FSTL4: variants seen among roughly 807,000 people sequenced by gnomAD.
The protein encoded by FSTL4 is follistatin like 4, also known as follistatin-related protein 4.
A neutral mutation model predicts 78.2 loss-of-function variants in FSTL4; 28 were observed. The observed-to-expected ratio is 0.36, with a 90% CI of 0.27 to 0.49. The LOEUF is 0.49. Ranked by LOEUF, FSTL4 falls within the 20% of genes least tolerant of loss-of-function variation. The pLI, the probability that FSTL4 is intolerant of heterozygous loss-of-function variation, is 0.98. For missense variants in FSTL4, 922 were observed against 1,084.9 expected, an observed-to-expected ratio of 0.85 and a Z score of 2.11; for synonymous variants, 422 against 440.5, an observed-to-expected ratio of 0.96 and a Z score of 0.53.
At chr5:133,617,372 C>T (rs256239), upstream of FSTL4, among the ~76,000 whole-genome samples, 132,035 of 150,700 alleles carry the variant, frequency 0.88, 57,917 homozygotes, top group East Asian at 0.97. Flanking sequence ...TCCATGCCTA[C>T]GCATTTGTCA....
At chr5:133,769,371 A>C in the FSTL4 span, among the ~76,000 whole-genome samples, 8 of 152,204 alleles carry the variant, frequency 5.3e-5, no homozygotes, top group African/African-American at 1.9e-4. Context: ...GACACTGGTA[A>C]ATCTCTGGGA....
At chr5:133,533,893 C>T (rs945005801) in intron 3 of FSTL4, among the ~76,000 whole-genome samples, 4 of 152,096 alleles carry the variant, frequency 2.6e-5, no homozygotes, top group South Asian at 2.1e-4. Flanking sequence ...CTGGCTCCCC[C>T]GAGTCCTTGC....
At chr5:133,337,744 C>T (rs1361720450) in intron 4 of FSTL4, among the ~76,000 whole-genome samples, 3 of 152,190 alleles carry the variant, frequency 2.0e-5, no homozygotes, top group African/African-American at 7.2e-5. Flanking sequence ...CTGCACACCA[C>T]TCAGAGCTTT....
At chr5:133,827,640 T>C in the FSTL4 span, among the ~76,000 whole-genome samples, 1 of 152,024 alleles carries the variant, frequency 6.6e-6, no homozygotes, top group Non-Finnish European at 1.5e-5. Context: ...TCCAAGTCTG[T>C]GGACTCCTCT....
intron 6 of FSTL4, among the ~76,000 whole-genome samples, chr5:133,294,173 T>G (rs946764526): frequency 6.6e-6 from 1 of 152,152 alleles, no homozygotes; most frequent in African/African-American, 2.4e-5. Flanking sequence ...TCCCACAGCC[T>G]TTTGCCTTGT....
intron 3 of FSTL4, among the ~76,000 whole-genome samples, chr5:133,499,369 TAC>T (rs57363602): frequency 0.13 from 16,403 of 126,492 alleles, 1,006 homozygotes; most frequent in African/African-American, 0.18. Context: ...ACAAGGGGAA[TAC>T]ACACACACAC....
Position 133,225,341 on chromosome 5 carries a change from C to T in FSTL4, c.1178-57G>A. ...CTCAGCTGGAGACCCACTCACTTTCCTTTATGGGGCCATTGAGAGTGTTAG... is the reference window on the plus strand; with the variant it reads ...CTCAGCTGGAGACCCACTCACTTTCTTTTATGGGGCCATTGAGAGTGTTAG... On this transcript the variant is annotated intron_variant, in intron 9 of 15. Coordinates refer to ENST00000265342, the MANE Select transcript of FSTL4 (RefSeq NM_015082.2). This position sits in a 1 kb window ranked among gnomAD's most constrained non-coding sequence, Gnocchi z 4.6. The T allele has an allele frequency of 4.4e-6, 7 of 1,606,904 alleles. No homozygotes were observed. The South Asian group carries it at 6.6e-5, about 15-fold the overall frequency.
At chr5:133,280,369 C>A (rs76209990) in intron 6 of FSTL4, among the ~76,000 whole-genome samples, 2,208 of 152,214 alleles carry the variant, frequency 0.015, 51 homozygotes, top group African/African-American at 0.05. Flanking sequence ...CCACTCAGAC[C>A]CTCTGCAGTT....
At chr5:133,221,093 G>A (rs774403347) in intron 11 of FSTL4, 14 of 628,540 alleles carry the variant, frequency 2.2e-5, no homozygotes, top group African/African-American at 3.6e-5. Context: ...CACAGGCTAC[G>A]TACAGCTGCC....
At chr5:133,592,016 G>C (rs770218732) in intron 2 of FSTL4, among the ~76,000 whole-genome samples, 8 of 152,000 alleles carry the variant, frequency 5.3e-5, no homozygotes, top group African/African-American at 1.9e-4. Context: ...AATCTGTTCC[G>C]TTTTCCCCTC....
chr5:133,478,446 G>A (rs1447265374), intron 3 of FSTL4, among the ~76,000 whole-genome samples: 3 of 149,274 alleles, frequency 2.0e-5, no homozygotes, highest in East Asian at 3.9e-4. Flanking sequence ...GGTAACAGGC[G>A]GGGATAAATA....
intron 3 of FSTL4, among the ~76,000 whole-genome samples, chr5:133,402,860 G>A (rs1245858224): frequency 1.3e-5 from 2 of 152,166 alleles, no homozygotes; most frequent in African/African-American, 4.8e-5. Context: ...CTAATTGTTC[G>A]CATGTCACCA....
At chr5:133,455,906 C>G (rs1384534843) in intron 3 of FSTL4, among the ~76,000 whole-genome samples, 1 of 152,208 alleles carries the variant, frequency 6.6e-6, no homozygotes, top group Non-Finnish European at 1.5e-5. Context: ...GGGCTAGCAC[C>G]CAGAAGTTCA....
chr5:133,553,266 C>T (rs957208377), intron 3 of FSTL4, among the ~76,000 whole-genome samples: 9 of 152,192 alleles, frequency 5.9e-5, no homozygotes, highest in Admixed American at 3.9e-4. Context: ...TGTCTTGTCT[C>T]GGACGTTTCT....
chr5:133,217,590 C>T (rs570007182), intron 12 of FSTL4, among the ~76,000 whole-genome samples: 4 of 152,316 alleles, frequency 2.6e-5, no homozygotes, highest in South Asian at 4.1e-4. Flanking sequence ...CCTTTGCACC[C>T]GCTCAGTTAG....
the FSTL4 span, among the ~76,000 whole-genome samples, chr5:133,756,649 T>C: frequency 6.6e-6 from 1 of 151,990 alleles, no homozygotes; most frequent in South Asian, 2.1e-4. Flanking sequence ...CACCTGGCCC[T>C]CCGGCATGGA....
At chr5:133,826,228 C>T in the FSTL4 span, among the ~76,000 whole-genome samples, 1 of 152,198 alleles carries the variant, frequency 6.6e-6, no homozygotes, top group African/African-American at 2.4e-5. Flanking sequence ...CCACATGGCT[C>T]CATGCTCAGC....
chr5:133,636,925 T>C, the FSTL4 span, among the ~76,000 whole-genome samples: 7 of 152,120 alleles, frequency 4.6e-5, no homozygotes, highest in African/African-American at 1.4e-4. Context: ...ATGAGGAAAC[T>C]GAGGCTCAGA....
chr5:133,228,245 TA>T (rs576948737), intron 8 of FSTL4, among the ~76,000 whole-genome samples: 1 of 151,128 alleles, frequency 6.6e-6, no homozygotes, highest in Non-Finnish European at 1.5e-5. Flanking sequence ...ATAATAAAAA[TA>T]AAAAAAAGGA....
Sources: allele counts gnomAD v4.1 joint callset (sites outside exome capture counted in the v4.1 genomes callset), GRCh38; gene constraint gnomAD v4.1.1; non-coding constraint Gnocchi (gnomAD v3.1); transcripts MANE v1.5; gene names NCBI Gene and HGNC (gene_info 2026-07-23, HGNC 2026-07-21).